Variants in SCGN observed in about 807,000 individuals in gnomAD.
SCGN encodes secretagogin.
SCGN carries 30 observed loss-of-function variants against 39.7 expected under a neutral mutation model. The ratio of observed to expected loss-of-function variants is 0.76; its 90% CI spans 0.57 to 1.03. The LOEUF is 1.03. SCGN is among the 50% of genes least tolerant of loss of function. The pLI is 0.00. For synonymous variants in SCGN, 106 were observed against 114.1 expected, an observed-to-expected ratio of 0.93 and a Z score of 0.45; for missense variants, 353 against 349.4, an observed-to-expected ratio of 1.01 and a Z score of -0.08.
At chr6:25,689,269 G>A in intron 8 of SCGN, 52 bp downstream of exon 8, 7 of 1,360,886 alleles carry the variant, frequency 5.1e-6, no homozygotes, top group Admixed American at 3.9e-5. Flanking sequence ...GTTTCTCTAC[G>A]GATTTGAGCA....
chr6:25,656,192 C>T (rs759345657), intron 2 of SCGN, among the ~76,000 whole-genome samples: 1 of 152,176 alleles, frequency 6.6e-6, no homozygotes, highest in Non-Finnish European at 1.5e-5. Flanking sequence ...ATTGTGACAC[C>T]TGCTTTTGAT....
intron 10 of SCGN, among the ~76,000 whole-genome samples, chr6:25,700,472 T>C (rs967147130): frequency 6.6e-6 from 1 of 152,174 alleles, no homozygotes; most frequent in Non-Finnish European, 1.5e-5. Flanking sequence ...TGGACTATTC[T>C]TGGGCTCAAA....
At chr6:25,688,929 C>T (rs556222969) in intron 7 of SCGN, among the ~76,000 whole-genome samples, 2 of 152,066 alleles carry the variant, frequency 1.3e-5, no homozygotes, top group East Asian at 1.9e-4. Context: ...AGCGAATTTC[C>T]AGAAGCCCAT....
chr6:25,687,485 A>G (rs1363215886), intron 7 of SCGN, among the ~76,000 whole-genome samples: 1 of 152,118 alleles, frequency 6.6e-6, no homozygotes, highest in Non-Finnish European at 1.5e-5. Flanking sequence ...TGGACTGCCC[A>G]TTGTTAATGT....
intron 2 of SCGN, 94 bp from the exon 3 acceptor site, chr6:25,661,458 T>A: frequency 2.3e-6 from 2 of 872,714 alleles, no homozygotes; most frequent in Non-Finnish European, 3.7e-6. Context: ...TTGAAAAACA[T>A]AATTTTCACG....
At chr6:25,677,769 T>C (rs1417542752) in intron 6 of SCGN, among the ~76,000 whole-genome samples, 1 of 152,244 alleles carries the variant, frequency 6.6e-6, no homozygotes, top group Non-Finnish European at 1.5e-5. Flanking sequence ...CACTCTTGAC[T>C]CTGCTGAATT....
chr6:25,661,689 T>C (rs557562625), intron 3 of SCGN, 45 bp downstream of exon 3: 10 of 1,279,278 alleles, frequency 7.8e-6, no homozygotes, highest in South Asian at 7.3e-5. Flanking sequence ...TCTTCTTGAC[T>C]GTTTTTTTCT....
chr6:25,678,507 T>C (rs1191802431), intron 6 of SCGN, among the ~76,000 whole-genome samples: 1 of 152,166 alleles, frequency 6.6e-6, no homozygotes, highest in Non-Finnish European at 1.5e-5. Context: ...TAGCATTTAT[T>C]ACCAATTTAT....
chr6:25,678,128 G>A (rs1347173438), intron 6 of SCGN, among the ~76,000 whole-genome samples: 1 of 152,134 alleles, frequency 6.6e-6, no homozygotes, highest in Non-Finnish European at 1.5e-5. Context: ...TCCATTTCTG[G>A]GAGCCTTTAT....
chr6:25,689,948 G>A (rs1759755127), intron 9 of SCGN, among the ~76,000 whole-genome samples: 1 of 152,130 alleles, frequency 6.6e-6, no homozygotes. Flanking sequence ...ATGAAAAGGG[G>A]AGAATATAAA....
At chr6:25,694,844 CAG>C (rs1363429633) in intron 10 of SCGN, among the ~76,000 whole-genome samples, 18 of 152,228 alleles carry the variant, frequency 1.2e-4, no homozygotes, top group Admixed American at 1.0e-3. Flanking sequence ...GCTTTATAAA[CAG>C]AGTCTTTCCT....
At chr6:25,690,976 C>T (rs909244269) in intron 9 of SCGN, 80 bp from the exon 10 acceptor site, 18 of 1,050,502 alleles carry the variant, frequency 1.7e-5, no homozygotes, top group African/African-American at 1.4e-4. Context: ...AATACTGATA[C>T]GGTTTATTTA....
intron 7 of SCGN, among the ~76,000 whole-genome samples, chr6:25,683,171 C>T (rs952212817): frequency 6.6e-6 from 1 of 152,198 alleles, no homozygotes; most frequent in Non-Finnish European, 1.5e-5. Context: ...AAAAGTGTTT[C>T]TCCATCAGGC....
intron 10 of SCGN, among the ~76,000 whole-genome samples, chr6:25,700,443 C>T (rs1053215554): frequency 3.9e-5 from 6 of 152,068 alleles, no homozygotes; most frequent in African/African-American, 4.8e-5. Context: ...AGGACTGTCT[C>T]CAATTGTCAG....
intron 9 of SCGN, 43 bp from the exon 10 acceptor site, chr6:25,691,013 T>C: frequency 3.9e-6 from 6 of 1,545,048 alleles, no homozygotes; most frequent in Non-Finnish European, 5.4e-6. Flanking sequence ...GCTTTTTGGC[T>C]TAAGAAACTG....
intron 1 of SCGN, among the ~76,000 whole-genome samples, chr6:25,652,790 T>A (rs1561758276): frequency 6.6e-6 from 1 of 152,098 alleles, no homozygotes; most frequent in African/African-American, 2.4e-5. Context: ...AATATCATTG[T>A]ATATGTTCAA....
chr6:25,671,888 A>G (rs146420730), intron 6 of SCGN, among the ~76,000 whole-genome samples: 1 of 152,256 alleles, frequency 6.6e-6, no homozygotes, highest in Non-Finnish European at 1.5e-5. Context: ...TTATTGACTT[A>G]TAAAACATGA....
intron 9 of SCGN, 62 bp downstream of exon 9, chr6:25,689,594 T>C: frequency 1.5e-6 from 2 of 1,372,194 alleles, no homozygotes; most frequent in Non-Finnish European, 2.1e-6. Context: ...TTAACCCCTA[T>C]GTGGAGCCAT....
In SCGN at chr6:25,701,192, T is replaced by C; in HGVS notation, c.703-15T>C. 1 of 1,603,556 alleles carries C rather than the reference T, an allele frequency of 6.2e-7. No individual in the cohort carries two copies. The highest frequency in any genetic ancestry group is 2.2e-5 in the East Asian group (1 of 44,664). On this transcript the variant is annotated splice_polypyrimidine_tract_variant and intron_variant, in intron 10 of 10. Transcript: ENST00000377961. The stretch of plus-strand genomic sequence containing the variant: ...ATTGGCTTGCCTGTTAACATGTTAC[T>C]TTTGTCGCCCTCAGCCCAGCATCAG...
Sources: gnomAD v4.1 joint callset for allele counts (sites outside exome capture counted in the v4.1 genomes callset) on GRCh38, gnomAD v4.1.1 for gene constraint, MANE v1.5 for transcripts, NCBI Gene and HGNC (gene_info 2026-07-23, HGNC 2026-07-21) for gene names.